The following FGF14 variants were observed in gnomAD, a reference collection of about 807,000 sequenced individuals.
FGF14 encodes fibroblast growth factor 14.
FGF14 carries 5 observed loss-of-function variants against 25.5 expected under a neutral mutation model. That is an observed-to-expected ratio of 0.20 (90% CI 0.10 to 0.41). The LOEUF is 0.41. Ranked by LOEUF, FGF14 falls within the 10% of genes least tolerant of loss-of-function variation. The pLI is 1.00. For synonymous variants in FGF14, 138 were observed against 118.3 expected (o/e 1.17, Z -1.08); for missense variants, 222 against 320.1 (o/e 0.69, Z 2.34).
chr13:102,054,954 A>G (rs1412026214), intron 1 of FGF14, among the ~76,000 whole-genome samples: 1 of 151,936 alleles, frequency 6.6e-6, no homozygotes, highest in Non-Finnish European at 1.5e-5. Context: ...GATTTTCATC[A>G]CCCATCTTTT....
intron 1 of FGF14, among the ~76,000 whole-genome samples, chr13:102,049,003 T>C (rs1006462142): frequency 2.6e-5 from 4 of 151,944 alleles, no homozygotes; most frequent in African/African-American, 7.3e-5. Flanking sequence ...AAAGTTAGAT[T>C]CCAAGAAAGG....
chr13:101,767,581 C>T (rs904033926), intron 3 of FGF14, among the ~76,000 whole-genome samples: 4 of 152,098 alleles, frequency 2.6e-5, no homozygotes, highest in Non-Finnish European at 1.5e-5. Context: ...TATTTTACCC[C>T]AATATTATTG....
At chr13:101,958,602 A>C (rs2036649738) in intron 1 of FGF14, among the ~76,000 whole-genome samples, 1 of 152,200 alleles carries the variant, frequency 6.6e-6, no homozygotes, top group Non-Finnish European at 1.5e-5. Context: ...CTTATCTCAC[A>C]AGTCTTCGAC....
rs1007419672 is a variant in FGF14 at position 101,711,201 on chromosome 13, A to G, written c.*11630T>C. On this transcript the variant is annotated 3_prime_UTR_variant, in exon 5 of 5. Coordinates refer to ENST00000376143, the MANE Select transcript of FGF14 (RefSeq NM_004115.4). ...TTTGGCTTCAAGACTACACAATTATATCTTTGCCTTGACTACTTCAAGCTA... is the reference window on the plus strand; with the variant it reads ...TTTGGCTTCAAGACTACACAATTATGTCTTTGCCTTGACTACTTCAAGCTA... 6.6e-6 allele frequency: 1 copy of G among 152,240 alleles called. No homozygotes were observed. The highest frequency in any genetic ancestry group is 2.4e-5 in the African/African-American group (1 of 41,456). 9.4% of individuals were successfully genotyped at this position (152,240 alleles called of 1,614,324 possible). A position where few individuals can be genotyped will look rare whatever the true frequency, so the allele number is the denominator to read the frequency against.
intron 1 of FGF14, among the ~76,000 whole-genome samples, chr13:102,343,390 G>A (rs1354415832): frequency 6.6e-6 from 1 of 152,168 alleles, no homozygotes; most frequent in African/African-American, 2.4e-5. Context: ...GCCACTGGCT[G>A]AGGAATTCTA....
At chr13:102,394,496 GGCC>G (rs1412478791) in intron 1 of FGF14, 2 of 152,506 alleles carry the variant, frequency 1.3e-5, no homozygotes, top group East Asian at 3.9e-4. Flanking sequence ...GGCGGCTTCC[GGCC>G]GCCATGGTTT....
intron 1 of FGF14, among the ~76,000 whole-genome samples, chr13:102,346,361 T>C (rs778243516): frequency 6.6e-6 from 1 of 152,082 alleles, no homozygotes; most frequent in Non-Finnish European, 1.5e-5. Context: ...TATAAATAAC[T>C]ATATAATTGA....
chr13:101,906,205 G>C (rs989214502), intron 1 of FGF14, among the ~76,000 whole-genome samples: 1 of 152,096 alleles, frequency 6.6e-6, no homozygotes, highest in Non-Finnish European at 1.5e-5. Context: ...GCCTCAGCAT[G>C]AAATTCTCTT....
intron 3 of FGF14, among the ~76,000 whole-genome samples, chr13:101,776,336 G>C (rs1046729416): frequency 6.6e-6 from 1 of 152,156 alleles, no homozygotes; most frequent in Non-Finnish European, 1.5e-5. Context: ...CTGGTGTTAT[G>C]ATGACCACCT....
chr13:102,374,251 T>C (rs886272433), intron 1 of FGF14, among the ~76,000 whole-genome samples: 13 of 152,102 alleles, frequency 8.5e-5, no homozygotes, highest in South Asian at 6.2e-4. Context: ...TGATTATCTA[T>C]TGAAGAGACC....
intron 3 of FGF14, chr13:101,802,105 C>T (rs185136365): frequency 7.5e-5 from 19 of 252,114 alleles, no homozygotes; most frequent in South Asian, 3.5e-4. Flanking sequence ...GGGAAATGAA[C>T]GATTATGACC....
chr13:102,234,131 G>C (rs1326629200), intron 1 of FGF14, among the ~76,000 whole-genome samples: 1 of 152,104 alleles, frequency 6.6e-6, no homozygotes, highest in Non-Finnish European at 1.5e-5. Context: ...GGTGATGGTT[G>C]TACACATCAC....
chr13:102,384,162 A>G (rs1211185544), intron 1 of FGF14, among the ~76,000 whole-genome samples: 3 of 152,164 alleles, frequency 2.0e-5, no homozygotes, highest in Non-Finnish European at 4.4e-5. Flanking sequence ...AGATGTAGCA[A>G]AAAAGGGAAG....
At chr13:102,050,362 T>C (rs1457381356) in intron 1 of FGF14, among the ~76,000 whole-genome samples, 2 of 152,026 alleles carry the variant, frequency 1.3e-5, no homozygotes, top group African/African-American at 4.8e-5. Flanking sequence ...AGTTTTGGAG[T>C]CACACTTTAT....
chr13:102,060,366 A>T (rs1220520231), intron 1 of FGF14, among the ~76,000 whole-genome samples: 1 of 152,160 alleles, frequency 6.6e-6, no homozygotes, highest in Non-Finnish European at 1.5e-5. Flanking sequence ...TATACTAAAA[A>T]TACAAAAAAA....
chr13:102,164,378 T>C (rs1213505398), intron 1 of FGF14, among the ~76,000 whole-genome samples: 1 of 152,180 alleles, frequency 6.6e-6, no homozygotes, highest in Non-Finnish European at 1.5e-5. Context: ...TGTTTACTGA[T>C]GACCAGCTTT....
chr13:102,100,310 C>A (rs2044597529), intron 1 of FGF14, among the ~76,000 whole-genome samples: 1 of 152,174 alleles, frequency 6.6e-6, no homozygotes, highest in East Asian at 1.9e-4. Context: ...TGCTGTGGAA[C>A]CCTCCCTACA....
At chr13:102,082,512 A>C (rs2043673272) in intron 1 of FGF14, among the ~76,000 whole-genome samples, 1 of 152,226 alleles carries the variant, frequency 6.6e-6, no homozygotes, top group Non-Finnish European at 1.5e-5. Context: ...AAGTGACTTA[A>C]ATGATGTGTT....
intron 1 of FGF14, among the ~76,000 whole-genome samples, chr13:102,156,468 T>G (rs1018631472): frequency 2.0e-5 from 3 of 152,204 alleles, no homozygotes; most frequent in Non-Finnish European, 4.4e-5. Flanking sequence ...CAGCCCTTCA[T>G]GCTAAAAACT....
Sources: gnomAD v4.1 joint callset for allele counts (sites outside exome capture counted in the v4.1 genomes callset) on GRCh38, gnomAD v4.1.1 for gene constraint, MANE v1.5 for transcripts, NCBI Gene and HGNC (gene_info 2026-07-23, HGNC 2026-07-21) for gene names.